COL23A1: variants seen among roughly 807,000 people sequenced by gnomAD.
COL23A1 encodes collagen type XXIII alpha 1 chain.
COL23A1 carries 97 observed loss-of-function variants against 99.3 expected under a neutral mutation model. That is an observed-to-expected ratio of 0.98 (90% CI 0.83 to 1.16). The LOEUF is 1.16. Among genes scored for constraint, COL23A1 ranks in the 50% most tolerant of loss-of-function variants. COL23A1 has a pLI of 0.00. For synonymous variants in COL23A1, 320 were observed against 308.2 expected, an observed-to-expected ratio of 1.04 and a Z score of -0.40; for missense variants, 762 against 757.4, an observed-to-expected ratio of 1.01 and a Z score of -0.07.
At chr5:178,538,904 C>A (rs1488256769) in intron 2 of COL23A1, among the ~76,000 whole-genome samples, 4 of 152,156 alleles carry the variant, frequency 2.6e-5, no homozygotes, top group African/African-American at 9.7e-5. Flanking sequence ...AAAAAAGAAT[C>A]AAGTATGGAT....
chr5:178,357,828 GTGTA>G lies in COL23A1; in HGVS notation c.362-50913_362-50910del, dbSNP rs1278924469. Reference sequence around the variant, plus strand: ...TGTGTATGTGTGTATGTGTGTTTATGTGTATGTGTGTGTATGTCTAATGTGTATG... The same window carrying G: ...TGTGTATGTGTGTATGTGTGTTTATGTGTGTGTGTATGTCTAATGTGTATG... On this transcript the variant is annotated intron_variant, in intron 2 of 28. Coordinates refer to ENST00000390654, the MANE Select transcript of COL23A1 (RefSeq NM_173465.4). 1.4e-3 allele frequency among the ~76,000 whole-genome samples: 211 copies of G among 150,856 alleles called. 3 individuals carry two copies. The highest frequency in any genetic ancestry group is 0.01 in the Middle Eastern group (3 of 288).
At chr5:178,514,856 G>C (rs1442710933) in intron 2 of COL23A1, among the ~76,000 whole-genome samples, 1 of 152,176 alleles carries the variant, frequency 6.6e-6, no homozygotes, top group Non-Finnish European at 1.5e-5. Flanking sequence ...CAAAGCACTG[G>C]CAAGAAATAC....
At position 178,313,636 on chromosome 5, in the gene COL23A1, C is replaced by T. The variant is rs1415705013; in HGVS notation, c.362-6717G>A. On this transcript the variant is annotated intron_variant, in intron 2 of 28. Coordinates refer to ENST00000390654, the MANE Select transcript of COL23A1 (RefSeq NM_173465.4). The surrounding 1 kb of genome is among the most constrained non-coding windows in gnomAD (Gnocchi z 4.2). ...CATCTGTGTGTGATTTCCAGTGTGA[C>T]CATGGCCAAGATTTTCTCATCCCAC... Among the ~76,000 whole-genome samples, 1 of 152,196 alleles carries T rather than the reference C, an allele frequency of 6.6e-6. No homozygotes were observed. The highest frequency in any genetic ancestry group is 2.4e-5 in the African/African-American group (1 of 41,452).
intron 2 of COL23A1, among the ~76,000 whole-genome samples, chr5:178,377,611 T>C (rs771159787): frequency 5.3e-5 from 8 of 152,092 alleles, no homozygotes; most frequent in Non-Finnish European, 1.0e-4. Context: ...CCCAACCCCA[T>C]CTCCAAGGCG....
At chr5:178,483,092 A>G (rs1001284135) in intron 2 of COL23A1, among the ~76,000 whole-genome samples, 1 of 152,130 alleles carries the variant, frequency 6.6e-6, no homozygotes, top group African/African-American at 2.4e-5. Context: ...AGAAAAAAAA[A>G]ACTAAAATGT....
chr5:178,369,750 C>CG (rs951555012), intron 2 of COL23A1, among the ~76,000 whole-genome samples: 2 of 152,186 alleles, frequency 1.3e-5, no homozygotes, highest in South Asian at 2.1e-4. Context: ...GTAAGGCCCC[C>CG]CCAGCCAGGT....
At chr5:178,260,794 C>CAA (rs200635856) in intron 11 of COL23A1, among the ~76,000 whole-genome samples, 109 of 150,726 alleles carry the variant, frequency 7.2e-4, no homozygotes, top group African/African-American at 2.6e-3. Context: ...GACTCCATCT[C>CAA]AAAAAAAAAG....
In COL23A1 at chr5:178,263,285, G is replaced by A. The variant is rs550264330; in HGVS notation, c.562C>T (p.Pro188Ser). 3.7e-6 allele frequency: 6 copies of A among 1,608,752 alleles called. No homozygotes were observed. The highest frequency in any genetic ancestry group is 1.7e-5 in the Admixed American group (1 of 58,460). The change falls in exon 9 of 29, where the codon CCC becomes TCC. Residue 188 changes from proline to serine, a missense_variant. By Grantham distance (74) the Pro-to-Ser change is moderately conservative (BLOSUM62 -1). Transcript: ENST00000390654. ...GQDGAAGPPG[P>S]PGPPGARGPP... ...CCCCGGGCCCCAGGAGGTCCAGGGGGCCCCGGAGGCCCAGCAGCTCCATCT... is the reference window on the plus strand; with the variant it reads ...CCCCGGGCCCCAGGAGGTCCAGGGGACCCCGGAGGCCCAGCAGCTCCATCT...
In COL23A1 at chr5:178,257,582, C is replaced by A. The variant is rs542465451; in HGVS notation, c.730-15G>T. ...CCATCGTCGCCCTGAGGAGAGGACA[C>A]CTGGGGCTTGCCGGTCAGACCCTCG... is the stretch of plus-strand genomic sequence containing the variant. On this transcript the variant is annotated splice_polypyrimidine_tract_variant and intron_variant, in intron 12 of 28. Transcript: ENST00000390654. The A allele has an allele frequency of 2.3e-5, 36 of 1,553,918 alleles. No homozygotes were observed. In the Admixed American group the frequency reaches 5.3e-4, roughly 23 times the overall value.
chr5:178,530,617 G>GA (rs1760592105), intron 2 of COL23A1, among the ~76,000 whole-genome samples: 1 of 152,276 alleles, frequency 6.6e-6, no homozygotes, highest in East Asian at 1.9e-4. Flanking sequence ...TTCACACTTA[G>GA]AACCCAGTGG....
intron 2 of COL23A1, among the ~76,000 whole-genome samples, chr5:178,456,919 C>A (rs1483006759): frequency 6.6e-6 from 1 of 152,206 alleles, no homozygotes; most frequent in Non-Finnish European, 1.5e-5. Context: ...CTATAACCGT[C>A]CAACAAGCCT....
At chr5:178,315,868 T>TA (rs1206597324) in intron 2 of COL23A1, among the ~76,000 whole-genome samples, 1 of 151,860 alleles carries the variant, frequency 6.6e-6, no homozygotes, top group African/African-American at 2.4e-5. Context: ...ACAAGCACTG[T>TA]ATTCCTTGAT....
At chr5:178,578,621 T>C (rs2113706306) in intron 1 of COL23A1, among the ~76,000 whole-genome samples, 1 of 152,304 alleles carries the variant, frequency 6.6e-6, no homozygotes, top group South Asian at 2.1e-4. Context: ...AATTCCATTT[T>C]AGAAGTTGCC....
chr5:178,259,896 C>T (rs982177680), intron 11 of COL23A1, 149 bp from the exon 12 acceptor site: 17 of 608,038 alleles, frequency 2.8e-5, no homozygotes, highest in Admixed American at 2.7e-4. Flanking sequence ...CAGAGAGCTG[C>T]GGCGGACAGT....
In COL23A1 at chr5:178,302,743, A is replaced by T. The variant is rs527298090; in HGVS notation, c.406+4132T>A. On this transcript the variant is annotated intron_variant, in intron 3 of 28. Coordinates refer to ENST00000390654, the MANE Select transcript of COL23A1 (RefSeq NM_173465.4). ...AGTCATCCACTGGTGTTATCACCTC[A>T]AGCAGCTTCAATGTTCAACAATTGC... 6.4e-4 allele frequency among the ~76,000 whole-genome samples: 97 copies of T among 152,330 alleles called. 1 individual carries two copies. The highest frequency in any genetic ancestry group is 2.4e-3 in the Admixed American group (36 of 15,304).
intron 2 of COL23A1, among the ~76,000 whole-genome samples, chr5:178,538,553 C>T (rs1761109204): frequency 6.6e-6 from 1 of 152,208 alleles, no homozygotes; most frequent in South Asian, 2.1e-4. Flanking sequence ...GGGCTGGCAT[C>T]CATTTGCAAA....
intron 8 of COL23A1, among the ~76,000 whole-genome samples, chr5:178,266,048 AT>A (rs1003658024): frequency 9.4e-5 from 14 of 148,282 alleles, no homozygotes; most frequent in African/African-American, 1.5e-4. Context: ...TACTTTTTAA[AT>A]TTTTTTTTTT....
intron 5 of COL23A1, among the ~76,000 whole-genome samples, chr5:178,278,400 G>C (rs956623485): frequency 1.3e-5 from 2 of 152,202 alleles, no homozygotes; most frequent in Non-Finnish European, 2.9e-5. Flanking sequence ...AAATGCAAAG[G>C]ATTTTTATAG....
intron 2 of COL23A1, among the ~76,000 whole-genome samples, chr5:178,534,110 A>G (rs961238818): frequency 2.0e-5 from 3 of 152,134 alleles, no homozygotes; most frequent in African/African-American, 7.2e-5. Context: ...TGCGGTAACA[A>G]AATACCATAG....
Sources: allele counts gnomAD v4.1 joint callset (sites outside exome capture counted in the v4.1 genomes callset), GRCh38; gene constraint gnomAD v4.1.1; non-coding constraint Gnocchi (gnomAD v3.1); transcripts MANE v1.5; gene names NCBI Gene and HGNC (gene_info 2026-07-23, HGNC 2026-07-21).